RBFOX1: variants seen among roughly 807,000 people sequenced by gnomAD.
RBFOX1 encodes RNA binding fox-1 homolog 1, also known as RNA binding protein fox-1 homolog 1.
In RBFOX1, 8 loss-of-function variants were observed where a neutral mutation model predicts 57.7. The observed-to-expected ratio is 0.14, with a 90% CI of 0.08 to 0.25. RBFOX1 has a LOEUF of 0.25. RBFOX1 is among the 10% of genes least tolerant of loss of function. RBFOX1 has a pLI of 1.00. For missense variants in RBFOX1, 611 were observed against 548.5 expected (o/e 1.11, Z -1.14); for synonymous variants, 326 against 222.4 (o/e 1.47, Z -4.15).
At chr16:6,354,491 G>C (rs1220905855) in intron 2 of RBFOX1, among the ~76,000 whole-genome samples, 2 of 152,090 alleles carry the variant, frequency 1.3e-5, no homozygotes, top group African/African-American at 4.8e-5. Flanking sequence ...TGATGTCCCT[G>C]ACTGATAGCT....
chr16:7,355,878 C>G (rs1386643775), intron 4 of RBFOX1, among the ~76,000 whole-genome samples: 1 of 152,222 alleles, frequency 6.6e-6, no homozygotes, highest in Non-Finnish European at 1.5e-5. Flanking sequence ...ACCTGCTCTG[C>G]CCAGGCTTCT....
At chr16:6,577,511 G>A (rs1326331287) in intron 2 of RBFOX1, among the ~76,000 whole-genome samples, 1 of 152,180 alleles carries the variant, frequency 6.6e-6, no homozygotes, top group Non-Finnish European at 1.5e-5. Flanking sequence ...AAATAGCTCT[G>A]AAATCTCAGT....
chr16:7,123,786 A>G (rs1420843823), intron 4 of RBFOX1, among the ~76,000 whole-genome samples: 1 of 152,218 alleles, frequency 6.6e-6, no homozygotes, highest in Non-Finnish European at 1.5e-5. Context: ...AATAATTTAT[A>G]AAGTACATTG....
intron 4 of RBFOX1, among the ~76,000 whole-genome samples, chr16:7,112,939 A>G (rs1599841540): frequency 6.6e-6 from 1 of 152,196 alleles, no homozygotes. Context: ...ATCAGAAAGC[A>G]TATCTGCAAG....
At chr16:5,872,134 G>T (rs2057489620) in intron 4 of RBFOX1, among the ~76,000 whole-genome samples, 1 of 152,202 alleles carries the variant, frequency 6.6e-6, no homozygotes, top group East Asian at 1.9e-4. Flanking sequence ...AAAGACACCA[G>T]TGCGTTTGAG....
chr16:5,454,943 C>CTTTCTTTCT (rs1567535714), intron 1 of RBFOX1, among the ~76,000 whole-genome samples: 19 of 45,752 alleles, frequency 4.2e-4, no homozygotes, highest in African/African-American at 1.4e-3. Context: ...TCCTTCCTTC[C>CTTTCTTTCT]TTCCTTCCTT....
intron 3 of RBFOX1, among the ~76,000 whole-genome samples, chr16:5,688,220 T>C (rs1377188695): frequency 6.6e-6 from 1 of 152,232 alleles, no homozygotes; most frequent in Admixed American, 6.5e-5. Context: ...TGCTGCTAAG[T>C]AGAATTTCAT....
intron 1 of RBFOX1, among the ~76,000 whole-genome samples, chr16:5,332,321 G>A (rs1462316471): frequency 2.0e-5 from 3 of 152,146 alleles, no homozygotes; most frequent in East Asian, 1.9e-4. Context: ...AGGCTGGAGT[G>A]CAGTGGTGTG....
intron 3 of RBFOX1, among the ~76,000 whole-genome samples, chr16:6,969,219 T>A (rs1450341669): frequency 2.6e-5 from 4 of 152,140 alleles, no homozygotes; most frequent in African/African-American, 9.7e-5. Flanking sequence ...TCACCTGTTA[T>A]GTGAGAATGA....
At chr16:7,512,724 G>A (rs139198515) in intron 4 of RBFOX1, among the ~76,000 whole-genome samples, 86 of 152,340 alleles carry the variant, frequency 5.6e-4, no homozygotes, top group Non-Finnish European at 1.1e-3. Flanking sequence ...GCCCCCAGCT[G>A]GCCCTTGCCT....
chr16:6,872,046 T>G (rs1045811129), intron 3 of RBFOX1, among the ~76,000 whole-genome samples: 2 of 151,712 alleles, frequency 1.3e-5, no homozygotes, highest in African/African-American at 2.4e-5. Flanking sequence ...AGGTATCGTT[T>G]CTGGAAAGCC....
intron 12 of RBFOX1, among the ~76,000 whole-genome samples, chr16:7,657,576 A>G (rs2066628584): frequency 6.6e-6 from 1 of 152,214 alleles, no homozygotes; most frequent in Admixed American, 6.5e-5. Flanking sequence ...AAGTGCTGGG[A>G]TTATAGGCGT....
intron 3 of RBFOX1, among the ~76,000 whole-genome samples, chr16:6,670,522 A>G (rs1350758283): frequency 3.3e-5 from 5 of 152,252 alleles, no homozygotes; most frequent in Admixed American, 3.3e-4. Context: ...GATATAACAG[A>G]AAACATACCC....
intron 4 of RBFOX1, among the ~76,000 whole-genome samples, chr16:7,277,171 T>A (rs532371269): frequency 6.6e-6 from 1 of 152,338 alleles, no homozygotes; most frequent in South Asian, 2.1e-4. Context: ...TCTTAAGAAA[T>A]GCAATTAACC....
At chr16:6,667,207 C>T (rs188428007) in intron 3 of RBFOX1, among the ~76,000 whole-genome samples, 1 of 152,206 alleles carries the variant, frequency 6.6e-6, no homozygotes, top group East Asian at 1.9e-4. Context: ...GAAACCTAAA[C>T]GACAGATGAT....
chr16:6,541,736 T>TG (rs2096822655), intron 2 of RBFOX1, among the ~76,000 whole-genome samples: 1 of 152,146 alleles, frequency 6.6e-6, no homozygotes, highest in Admixed American at 6.5e-5. Flanking sequence ...ATAGTAGCTG[T>TG]GGGCAGGAGC....
intron 3 of RBFOX1, among the ~76,000 whole-genome samples, chr16:6,692,662 C>CACATCCAAACA (rs2060374696): frequency 6.6e-6 from 1 of 151,990 alleles, no homozygotes; most frequent in Admixed American, 6.6e-5. Context: ...GTTTCTTCCA[C>CACATCCAAACA]CTGAATGTGT....
chr16:5,767,127 C>A (rs1044198568), intron 3 of RBFOX1, among the ~76,000 whole-genome samples: 1 of 152,236 alleles, frequency 6.6e-6, no homozygotes, highest in African/African-American at 2.4e-5. Flanking sequence ...CCTCCAGAGC[C>A]CCTACCTAGG....
intron 2 of RBFOX1, among the ~76,000 whole-genome samples, chr16:5,471,903 C>G (rs915602885): frequency 6.6e-6 from 1 of 152,164 alleles, no homozygotes; most frequent in Non-Finnish European, 1.5e-5. Flanking sequence ...ATGCCCTCAG[C>G]CCCGCTTCAT....
Sources: gnomAD v4.1 joint callset for allele counts (sites outside exome capture counted in the v4.1 genomes callset) on GRCh38, gnomAD v4.1.1 for gene constraint, MANE v1.5 for transcripts, NCBI Gene and HGNC (gene_info 2026-07-23, HGNC 2026-07-21) for gene names.